The following MDGA2 variants were observed in gnomAD, a reference collection of about 807,000 sequenced individuals.
The protein encoded by MDGA2 is MAM domain-containing glycosylphosphatidylinositol anchor protein 2.
In MDGA2, 40 loss-of-function variants were observed where a neutral mutation model predicts 117.8. The observed-to-expected ratio is 0.34, with a 90% CI of 0.26 to 0.44. MDGA2 has a LOEUF of 0.44. Ranked by LOEUF, MDGA2 falls within the 20% of genes least tolerant of loss-of-function variation. MDGA2 has a pLI of 1.00. For synonymous variants in MDGA2, 452 were observed against 439.0 expected, an observed-to-expected ratio of 1.03 and a Z score of -0.37; for missense variants, 1,123 against 1,250.6, an observed-to-expected ratio of 0.90 and a Z score of 1.54.
chr14:47,009,909 C>T (rs1258164000), intron 8 of MDGA2, among the ~76,000 whole-genome samples: 1 of 152,016 alleles, frequency 6.6e-6, no homozygotes, highest in Admixed American at 6.6e-5. Flanking sequence ...CCATATACAT[C>T]ATGCTATTTC....
chr14:47,561,540 G>A (rs934931976), intron 1 of MDGA2, among the ~76,000 whole-genome samples: 4 of 152,052 alleles, frequency 2.6e-5, no homozygotes, highest in African/African-American at 9.7e-5. Context: ...GCACGTTGTT[G>A]GTGTATGGGA....
chr14:46,944,942 C>A (rs1191393241), intron 9 of MDGA2, among the ~76,000 whole-genome samples: 1 of 151,928 alleles, frequency 6.6e-6, no homozygotes, highest in Non-Finnish European at 1.5e-5. Flanking sequence ...ATCTGGCCTA[C>A]CTTAAGGTTA....
intron 1 of MDGA2, among the ~76,000 whole-genome samples, chr14:47,628,615 C>T (rs965697514): frequency 6.6e-6 from 1 of 152,160 alleles, no homozygotes; most frequent in African/African-American, 2.4e-5. Context: ...ACTCCTAAGA[C>T]TAAAACTATG....
chr14:46,906,008 T>TA (rs1235887602), intron 10 of MDGA2, among the ~76,000 whole-genome samples: 1 of 152,004 alleles, frequency 6.6e-6, no homozygotes, highest in African/African-American at 2.4e-5. Flanking sequence ...TTTCAAAACT[T>TA]ACAATGGCAT....
chr14:47,592,766 C>T (rs188867789), intron 1 of MDGA2, among the ~76,000 whole-genome samples: 7 of 152,100 alleles, frequency 4.6e-5, no homozygotes, highest in African/African-American at 1.4e-4. Flanking sequence ...AATGTAAAAC[C>T]GAAAGCTATA....
intron 2 of MDGA2, among the ~76,000 whole-genome samples, chr14:47,288,026 G>A (rs1046944966): frequency 3.9e-5 from 6 of 152,086 alleles, no homozygotes; most frequent in Non-Finnish European, 5.9e-5. Flanking sequence ...TCCTGACACC[G>A]TAATTTCAGA....
intron 3 of MDGA2, among the ~76,000 whole-genome samples, chr14:47,154,060 T>TA (rs1883269846): frequency 6.6e-6 from 1 of 152,040 alleles, no homozygotes; most frequent in African/African-American, 2.4e-5. Flanking sequence ...ACATAAAAAA[T>TA]AAAAAAAGTA....
At chr14:47,674,424 G>C (rs75138590) in intron 1 of MDGA2, 93 bp downstream of exon 1, 18 of 1,093,426 alleles carry the variant, frequency 1.6e-5, no homozygotes, top group Non-Finnish European at 2.4e-5. Context: ...ACGCCGGGAG[G>C]GGCCCCGGAA....
intron 2 of MDGA2, among the ~76,000 whole-genome samples, chr14:47,277,358 A>G (rs191569762): frequency 7.9e-5 from 12 of 152,296 alleles, no homozygotes; most frequent in African/African-American, 2.9e-4. Flanking sequence ...CTATTTTTCA[A>G]GGGAGGCAGG....
intron 14 of MDGA2, among the ~76,000 whole-genome samples, chr14:46,864,512 T>C (rs1054503806): frequency 2.1e-5 from 3 of 145,926 alleles, no homozygotes; most frequent in Non-Finnish European, 3.0e-5. Flanking sequence ...AATACTGACA[T>C]ATCTTGTTTT....
intron 2 of MDGA2, 91 bp from the exon 3 acceptor site, chr14:47,218,286 A>G: frequency 2.7e-6 from 3 of 1,102,866 alleles, no homozygotes; most frequent in Non-Finnish European, 3.7e-6. Flanking sequence ...GTTTGCATTT[A>G]GAGCTGCTAC....
chr14:46,853,475 TA>T (rs1227735240), intron 15 of MDGA2, among the ~76,000 whole-genome samples: 1 of 151,876 alleles, frequency 6.6e-6, no homozygotes, highest in African/African-American at 2.4e-5. Flanking sequence ...CAATACAGTT[TA>T]TAAATACGAA....
intron 1 of MDGA2, among the ~76,000 whole-genome samples, chr14:47,375,674 T>A (rs1891461940): frequency 6.6e-6 from 1 of 152,108 alleles, no homozygotes; most frequent in Admixed American, 6.6e-5. Flanking sequence ...AATTTTTAGT[T>A]ACCTCATAAA....
chr14:47,191,004 T>C lies in MDGA2; in HGVS notation c.595+27017A>G, dbSNP rs369777168. Among the ~76,000 whole-genome samples, 4 of 152,300 alleles carry C rather than the reference T, an allele frequency of 2.6e-5. No individual in the cohort carries two copies. The East Asian group carries it at 5.8e-4, about 22-fold the overall frequency. On this transcript the variant is annotated intron_variant, in intron 3 of 16. Coordinates refer to ENST00000399232, the MANE Select transcript of MDGA2 (RefSeq NM_001113498.3). ...TCATTCATTCAACTATTTGAAAATA[T>C]CAAGTTGAGACTTGCCCTATGGTTC...
In MDGA2 at chr14:47,087,030, A is replaced by T. The variant is rs552010123; in HGVS notation, c.1195+9824T>A. Among the ~76,000 whole-genome samples the T allele has an allele frequency of 7.2e-5, 11 of 152,328 alleles. No homozygotes were observed. The South Asian group carries it at 1.9e-3, about 26-fold the overall frequency. On this transcript the variant is annotated intron_variant, in intron 6 of 16. Transcript: ENST00000399232. ...AAATTTTTAAAATACCTATTAAAGC[A>T]TCACTTGCATTTATTTTCCTGGTTT...
chr14:46,859,728 T>C (rs549383622), intron 14 of MDGA2, among the ~76,000 whole-genome samples: 1 of 152,316 alleles, frequency 6.6e-6, no homozygotes, highest in Admixed American at 6.5e-5. Flanking sequence ...ACTTATCTGA[T>C]ATCATTTACT....
intron 1 of MDGA2, among the ~76,000 whole-genome samples, chr14:47,520,240 T>C (rs1386062911): frequency 6.6e-6 from 1 of 152,186 alleles, no homozygotes; most frequent in Non-Finnish European, 1.5e-5. Context: ...TTTAATGATG[T>C]TTTCCTCTCT....
chr14:47,432,140 G>GT (rs11298118), intron 1 of MDGA2, among the ~76,000 whole-genome samples: 2 of 151,898 alleles, frequency 1.3e-5, no homozygotes, highest in South Asian at 2.1e-4. Flanking sequence ...AGCTCTGATT[G>GT]TTTTTTTAAA....
At chr14:47,514,928 T>A (rs1219218600) in intron 1 of MDGA2, among the ~76,000 whole-genome samples, 1 of 152,204 alleles carries the variant, frequency 6.6e-6, no homozygotes, top group African/African-American at 2.4e-5. Flanking sequence ...TCTCCTGTGA[T>A]AAGAAGCTCT....
Sources: gnomAD v4.1 joint callset for allele counts (sites outside exome capture counted in the v4.1 genomes callset) on GRCh38, gnomAD v4.1.1 for gene constraint, MANE v1.5 for transcripts, NCBI Gene and HGNC (gene_info 2026-07-23, HGNC 2026-07-21) for gene names.